PLEKHA8: variants seen among roughly 807,000 people sequenced by gnomAD.
PLEKHA8 encodes the protein pleckstrin homology domain-containing family A member 8.
In PLEKHA8, 36 loss-of-function variants were observed where a neutral mutation model predicts 68.2. The observed-to-expected ratio is 0.53, with a 90% CI of 0.40 to 0.70. PLEKHA8 has a LOEUF of 0.70. Ranked by LOEUF, PLEKHA8 falls within the 30% of genes least tolerant of loss-of-function variation. The pLI is 0.00. For missense variants in PLEKHA8, 505 were observed against 615.4 expected (o/e 0.82, Z 1.90); for synonymous variants, 211 against 216.1 (o/e 0.98, Z 0.20).
Position 30,080,396 on chromosome 7 carries a change from C to G in PLEKHA8, c.*1609C>G. The G allele has an allele frequency of 2.0e-6, 2 of 985,128 alleles. No individual in the cohort carries two copies. Among genetic ancestry groups the G allele is most frequent in the South Asian group, 9.4e-5 (2 of 21,278 alleles). 61.0% of individuals were successfully genotyped at this position (985,128 alleles called of 1,614,324 possible). Reference sequence around the variant, plus strand: ...GAAGTTCCAGCATGAGGTAGTTATCCAGGGTAGAAGGTCCTTTGAGGGGCT... The same window carrying G: ...GAAGTTCCAGCATGAGGTAGTTATCGAGGGTAGAAGGTCCTTTGAGGGGCT... On this transcript the variant is annotated 3_prime_UTR_variant, in exon 14 of 14. Transcript: ENST00000449726.
At chr7:30,094,302 C>T (rs1795523887), downstream of PLEKHA8, among the ~76,000 whole-genome samples, 1 of 147,264 alleles carries the variant, frequency 6.8e-6, no homozygotes, top group Admixed American at 6.8e-5. Context: ...CAGACAGAGT[C>T]TTGCTCTTGT....
chr7:30,028,695 C>A lies in PLEKHA8; in HGVS notation c.-68C>A. The A allele has an allele frequency of 1.7e-6, 2 of 1,159,338 alleles. No homozygotes were observed. The highest frequency in any genetic ancestry group is 2.2e-6 in the Non-Finnish European group (2 of 912,208). The allele number at this position is 1,159,338 out of a possible 1,614,324, so 71.8% of individuals were successfully genotyped here. ...CCAGGCGATGGCCCTGCTGCTGGTGCTCCTCGCCTCTTGGGGCCTGGGGCA... is the reference window on the plus strand; with the variant it reads ...CCAGGCGATGGCCCTGCTGCTGGTGATCCTCGCCTCTTGGGGCCTGGGGCA... On this transcript the variant is annotated 5_prime_UTR_variant, in exon 1 of 14. Coordinates refer to ENST00000449726, the MANE Select transcript of PLEKHA8 (RefSeq NM_001197026.2).
chr7:30,098,121 G>T (rs938797048), intron 13 of PLEKHA8, among the ~76,000 whole-genome samples: 3 of 152,246 alleles, frequency 2.0e-5, no homozygotes, highest in Non-Finnish European at 4.4e-5. Context: ...GGTATCAGCA[G>T]CGGTGGCTGC....
intron 13 of PLEKHA8, among the ~76,000 whole-genome samples, chr7:30,096,558 T>C (rs1271024941): frequency 2.6e-5 from 4 of 152,342 alleles, no homozygotes; most frequent in Admixed American, 6.5e-5. Flanking sequence ...CTTCCAACAC[T>C]ACGTTGAATA....
At position 30,082,757 on chromosome 7, in the gene PLEKHA8, T is replaced by A; in HGVS notation, c.*3970T>A. On this transcript the variant is annotated 3_prime_UTR_variant, in exon 14 of 14. Coordinates refer to ENST00000449726, the MANE Select transcript of PLEKHA8 (RefSeq NM_001197026.2). ...GGAGCCAAAGTAAGAGATTTTTTTT[T>A]AAGGAAACTTAATCTGATTGTGAAA... 1.0e-6 allele frequency: 1 copy of A among 985,316 alleles called. No homozygotes were observed. Among genetic ancestry groups the A allele is most frequent in the Non-Finnish European group, 1.2e-6 (1 of 829,862 alleles). 61.0% of individuals were successfully genotyped at this position (985,316 alleles called of 1,614,324 possible). A position where few individuals can be genotyped will look rare whatever the true frequency, so the allele number is the denominator to read the frequency against.
chr7:30,123,032 CT>C (rs376862487), intron 13 of PLEKHA8, among the ~76,000 whole-genome samples: 119 of 152,282 alleles, frequency 7.8e-4, no homozygotes, highest in East Asian at 5.2e-3. Context: ...TTTCCCCCCC[CT>C]AAGCTAGCTT....
intron 9 of PLEKHA8, among the ~76,000 whole-genome samples, chr7:30,058,846 G>T (rs1793207572): frequency 6.6e-6 from 1 of 152,150 alleles, no homozygotes; most frequent in South Asian, 2.1e-4. Context: ...AACATCGAAG[G>T]CTGGGCTCAC....
intron 9 of PLEKHA8, among the ~76,000 whole-genome samples, chr7:30,057,816 A>G (rs918599546): frequency 3.9e-5 from 6 of 152,156 alleles, no homozygotes; most frequent in East Asian, 1.9e-4. Context: ...CTATGGGCCT[A>G]TGCTTTCATT....
At chr7:30,073,469 C>A (rs1475174277) in intron 12 of PLEKHA8, among the ~76,000 whole-genome samples, 2 of 142,216 alleles carry the variant, frequency 1.4e-5, no homozygotes, top group African/African-American at 5.2e-5. Flanking sequence ...CTCTTTGTTT[C>A]TTTATATGTA....
intron 12 of PLEKHA8, among the ~76,000 whole-genome samples, chr7:30,064,341 C>G (rs2127990113): frequency 6.6e-6 from 1 of 152,312 alleles, no homozygotes; most frequent in Non-Finnish European, 1.5e-5. Flanking sequence ...CACTTGAGTT[C>G]AGGAGTTTGA....
Position 30,067,014 on chromosome 7 carries a change from G to T in PLEKHA8, c.1300+4272G>T, listed in dbSNP as rs576293034. 3.3e-5 allele frequency among the ~76,000 whole-genome samples: 5 copies of T among 152,348 alleles called. No homozygotes were observed. In the South Asian group the frequency reaches 1.0e-3, roughly 32 times the overall value. On this transcript the variant is annotated intron_variant, in intron 12 of 13. Coordinates refer to ENST00000449726, the MANE Select transcript of PLEKHA8 (RefSeq NM_001197026.2). The stretch of plus-strand genomic sequence containing the variant: ...AATACTCTTTCCAGAACCATTTGCA[G>T]CATATGCCTCCACTGGCAGGATTGG...
chr7:30,108,201 T>C (rs747621696), intron 13 of PLEKHA8, among the ~76,000 whole-genome samples: 10 of 152,056 alleles, frequency 6.6e-5, no homozygotes, highest in Admixed American at 3.9e-4. Context: ...CTAGGTTGAA[T>C]CCAATTTGGT....
At chr7:30,043,864 A>G (rs1791734665) in intron 1 of PLEKHA8, among the ~76,000 whole-genome samples, 1 of 152,116 alleles carries the variant, frequency 6.6e-6, no homozygotes. Context: ...AGATGTCTGT[A>G]GCTGAGCAGC....
chr7:30,051,065 A>C (rs112028146), intron 6 of PLEKHA8, among the ~76,000 whole-genome samples: 10,465 of 152,054 alleles, frequency 0.069, 482 homozygotes, highest in Non-Finnish European at 0.1. Flanking sequence ...ATGCCTGGCT[A>C]ATTTTTGTAT....
chr7:30,051,990 A>T (rs553917618), intron 6 of PLEKHA8, among the ~76,000 whole-genome samples: 2 of 152,276 alleles, frequency 1.3e-5, no homozygotes, highest in East Asian at 1.9e-4. Context: ...ATAAATAAAT[A>T]AATAGACAGT....
At chr7:30,052,682 CT>C (rs765284623) in intron 6 of PLEKHA8, 26 bp from the exon 7 acceptor site, 12 of 1,419,496 alleles carry the variant, frequency 8.5e-6, no homozygotes, top group East Asian at 8.3e-5. Context: ...GACCTTCTGG[CT>C]TTTTTTCCTT....
At chr7:30,043,477 G>GA (rs1434921173) in intron 1 of PLEKHA8, among the ~76,000 whole-genome samples, 1 of 152,196 alleles carries the variant, frequency 6.6e-6, no homozygotes, top group Non-Finnish European at 1.5e-5. Flanking sequence ...CATAGTTTAA[G>GA]AAAAGATTAC....
At chr7:30,106,771 G>A (rs959533786) in intron 13 of PLEKHA8, among the ~76,000 whole-genome samples, 6 of 152,206 alleles carry the variant, frequency 3.9e-5, no homozygotes, top group Non-Finnish European at 2.9e-5. Context: ...CAAGTACTAC[G>A]TTGAATGCAC....
Position 30,047,942 on chromosome 7 carries a change from G to GC in PLEKHA8, c.424_425insC (p.Val142AlafsTer5). 17 of 1,559,304 alleles carry GC rather than the reference G, an allele frequency of 1.1e-5. No homozygotes were observed. Among genetic ancestry groups the GC allele is most frequent in the South Asian group, 8.5e-5 (7 of 82,504 alleles). On this transcript the variant is annotated frameshift_variant, in exon 4 of 14. Coordinates refer to ENST00000449726, the MANE Select transcript of PLEKHA8 (RefSeq NM_001197026.2). LOFTEE classifies it high-confidence loss of function. The stretch of plus-strand genomic sequence containing the variant: ...AACAAAAGAAGTGACCACAACTGGT[G>GC]TGTCCAATTCTGAGGTAAAATATTA...
Sources: gnomAD v4.1 joint callset for allele counts (sites outside exome capture counted in the v4.1 genomes callset) on GRCh38, gnomAD v4.1.1 for gene constraint, MANE v1.5 for transcripts, NCBI Gene and HGNC (gene_info 2026-07-23, HGNC 2026-07-21) for gene names.